Variants in ERC2 observed in about 807,000 individuals in gnomAD.
The protein encoded by ERC2 is ELKS/RAB6-interacting/CAST family member 2.
Under a neutral mutation model 114.8 loss-of-function variants are expected in ERC2, and 42 were observed. That is an observed-to-expected ratio of 0.37 (90% CI 0.29 to 0.47). ERC2 has a LOEUF of 0.47. Ranked by LOEUF, ERC2 falls within the 20% of genes least tolerant of loss-of-function variation. ERC2 has a pLI of 0.99. For synonymous variants in ERC2, 454 were observed against 425.5 expected, an observed-to-expected ratio of 1.07 and a Z score of -0.82; for missense variants, 939 against 1,150.7, an observed-to-expected ratio of 0.82 and a Z score of 2.66.
At chr3:55,726,454 C>T (rs961065648) in intron 15 of ERC2, among the ~76,000 whole-genome samples, 2 of 152,220 alleles carry the variant, frequency 1.3e-5, no homozygotes, top group East Asian at 1.9e-4. Flanking sequence ...TCTGGCTAAA[C>T]ACTCCACTCA....
intron 15 of ERC2, among the ~76,000 whole-genome samples, chr3:55,730,773 T>C (rs1476263985): frequency 6.6e-6 from 1 of 152,006 alleles, no homozygotes; most frequent in African/African-American, 2.4e-5. Flanking sequence ...ATCACTTGAG[T>C]TCAGGAGGTA....
In ERC2 at chr3:56,360,524, G is replaced by T. The variant is rs576601302; in HGVS notation, c.658-64089C>A. On this transcript the variant is annotated intron_variant, in intron 2 of 17. Transcript: ENST00000288221. ...AAGGCTAAAACAATGTGTTTTGGGA[G>T]CTCCAAGGAGGAAAGGTCTCAACCC... is the stretch of plus-strand genomic sequence containing the variant. Among the ~76,000 whole-genome samples the T allele has an allele frequency of 4.1e-4, 62 of 152,282 alleles. 1 individual carries two copies. In the Middle Eastern group the frequency reaches 0.014, roughly 33 times the overall value.
At chr3:55,661,603 T>G (rs1311291212) in intron 17 of ERC2, among the ~76,000 whole-genome samples, 1 of 152,192 alleles carries the variant, frequency 6.6e-6, no homozygotes, top group Non-Finnish European at 1.5e-5. Context: ...GGATACTCTC[T>G]CTATTTTAAG....
chr3:56,260,584 T>A (rs2052850048), intron 3 of ERC2, among the ~76,000 whole-genome samples: 4 of 152,066 alleles, frequency 2.6e-5, no homozygotes, highest in Admixed American at 2.6e-4. Flanking sequence ...AGTTGAAGCA[T>A]CCTTCCTTCA....
At chr3:55,632,500 A>G (rs959493220) in intron 17 of ERC2, among the ~76,000 whole-genome samples, 2 of 152,202 alleles carry the variant, frequency 1.3e-5, no homozygotes, top group East Asian at 1.9e-4. Flanking sequence ...TTTGCCCCCA[A>G]TATCCAGCTC....
chr3:55,828,743 A>G (rs1334574769), intron 14 of ERC2, among the ~76,000 whole-genome samples: 5 of 152,124 alleles, frequency 3.3e-5, no homozygotes, highest in African/African-American at 1.2e-4. Flanking sequence ...GGTAAGACAG[A>G]CTTGTGGTAG....
chr3:55,877,550 C>T (rs2062917194), intron 14 of ERC2, among the ~76,000 whole-genome samples: 1 of 144,646 alleles, frequency 6.9e-6, no homozygotes, highest in Admixed American at 7.1e-5. Flanking sequence ...CTCACTCTGT[C>T]ACTCAGGCAG....
chr3:55,983,091 C>T (rs732254), intron 12 of ERC2, among the ~76,000 whole-genome samples: 35,197 of 152,074 alleles, frequency 0.23, 4,558 homozygotes, highest in Admixed American at 0.31. Flanking sequence ...AGAAGACTTG[C>T]TCCAAAGATG....
intron 5 of ERC2, among the ~76,000 whole-genome samples, chr3:56,145,371 A>G (rs1309479555): frequency 2.6e-5 from 4 of 152,208 alleles, no homozygotes; most frequent in Non-Finnish European, 5.9e-5. Flanking sequence ...TAGACTAGGA[A>G]CAAAGCCTTA....
chr3:55,512,305 C>T (rs2052139614), intron 17 of ERC2, among the ~76,000 whole-genome samples: 1 of 152,180 alleles, frequency 6.6e-6, no homozygotes, highest in African/African-American at 2.4e-5. Flanking sequence ...TTTGGTGTAA[C>T]CCTTCTGGTT....
intron 3 of ERC2, among the ~76,000 whole-genome samples, chr3:56,227,284 T>C (rs1307597543): frequency 6.6e-6 from 1 of 152,124 alleles, no homozygotes; most frequent in Non-Finnish European, 1.5e-5. Flanking sequence ...TTCACTATAA[T>C]GTGGAAGTTG....
At chr3:56,401,202 C>G (rs1323798320) in intron 2 of ERC2, among the ~76,000 whole-genome samples, 1 of 152,188 alleles carries the variant, frequency 6.6e-6, no homozygotes, top group Admixed American at 6.5e-5. Flanking sequence ...TACCAATAAA[C>G]ATTGTTTGGT....
chr3:56,444,508 A>T (rs948761785), intron 1 of ERC2, among the ~76,000 whole-genome samples: 3 of 152,212 alleles, frequency 2.0e-5, no homozygotes, highest in Non-Finnish European at 2.9e-5. Context: ...TGGCTTTATG[A>T]ACCTATAAGA....
At chr3:55,627,358 C>T (rs1320610299) in intron 17 of ERC2, among the ~76,000 whole-genome samples, 2 of 151,852 alleles carry the variant, frequency 1.3e-5, no homozygotes, top group African/African-American at 4.8e-5. Flanking sequence ...CCCAGCTACT[C>T]GGGAGGCTGA....
chr3:56,439,248 C>T (rs1012028096), intron 1 of ERC2, among the ~76,000 whole-genome samples: 4 of 152,072 alleles, frequency 2.6e-5, no homozygotes, highest in Admixed American at 2.0e-4. Flanking sequence ...AGTTCAAGAC[C>T]AGTCTGGGCA....
At chr3:56,407,501 G>A (rs907819233) in intron 2 of ERC2, among the ~76,000 whole-genome samples, 2 of 152,190 alleles carry the variant, frequency 1.3e-5, no homozygotes, top group African/African-American at 4.8e-5. Flanking sequence ...TCTGGGACAA[G>A]AATCAGAAAC....
intron 15 of ERC2, among the ~76,000 whole-genome samples, chr3:55,718,470 T>C (rs1200207578): frequency 6.6e-6 from 1 of 152,184 alleles, no homozygotes; most frequent in African/African-American, 2.4e-5. Flanking sequence ...ATAAAACTGT[T>C]TGGCAGCAGA....
At chr3:55,997,285 A>C (rs1305386709) in intron 10 of ERC2, among the ~76,000 whole-genome samples, 1 of 73,432 alleles carries the variant, frequency 1.4e-5, no homozygotes, top group Non-Finnish European at 2.9e-5. Context: ...GCAGTGTAGA[A>C]ATATGATTTC....
intron 15 of ERC2, among the ~76,000 whole-genome samples, chr3:55,717,637 C>T (rs1054657568): frequency 6.6e-5 from 10 of 152,156 alleles, no homozygotes; most frequent in East Asian, 1.9e-4. Flanking sequence ...ACTTCAACAC[C>T]GTAAGAGATC....
Sources: gnomAD v4.1 joint callset for allele counts (sites outside exome capture counted in the v4.1 genomes callset) on GRCh38, gnomAD v4.1.1 for gene constraint, MANE v1.5 for transcripts, NCBI Gene and HGNC (gene_info 2026-07-23, HGNC 2026-07-21) for gene names.